HCN1: variants seen among roughly 807,000 people sequenced by gnomAD.
HCN1 encodes hyperpolarization activated cyclic nucleotide gated potassium channel 1.
HCN1 carries 13 observed loss-of-function variants against 78.9 expected under a neutral mutation model. The ratio of observed to expected loss-of-function variants is 0.16; its 90% confidence interval spans 0.11 to 0.26. The LOEUF (loss-of-function observed/expected upper bound fraction) is 0.26, where lower values mean the gene tolerates loss of function less well. Among genes scored for constraint, HCN1 ranks in the 10% least tolerant of loss-of-function variants. The pLI is 1.00. For synonymous variants in HCN1, 552 were observed against 455.5 expected, an observed-to-expected ratio of 1.21 and a Z score of -2.70; for missense variants, 810 against 1,154.3, an observed-to-expected ratio of 0.70 and a Z score of 4.32.
intron 5 of HCN1, among the ~76,000 whole-genome samples, chr5:45,317,954 T>G (rs1324901830): frequency 1.3e-5 from 2 of 152,174 alleles, no homozygotes; most frequent in Non-Finnish European, 2.9e-5. Flanking sequence ...GGAACACTTT[T>G]ACACTGTTGG....
intron 2 of HCN1, among the ~76,000 whole-genome samples, chr5:45,499,845 A>G (rs940323839): frequency 3.9e-4 from 59 of 152,240 alleles, no homozygotes; most frequent in African/African-American, 1.4e-3. Flanking sequence ...TTAATTCCAA[A>G]TTTTGTTTAC....
chr5:45,448,043 C>T (rs557694867), intron 3 of HCN1, among the ~76,000 whole-genome samples: 1 of 151,806 alleles, frequency 6.6e-6, no homozygotes, highest in East Asian at 1.9e-4. Flanking sequence ...AAATTCCAAA[C>T]TTTTCCTACA....
At chr5:45,664,680 CA>C (rs1745997629) in intron 1 of HCN1, among the ~76,000 whole-genome samples, 2 of 151,718 alleles carry the variant, frequency 1.3e-5, no homozygotes, top group African/African-American at 4.9e-5. Context: ...TTTATGCAGC[CA>C]AAAAACACAT....
intron 5 of HCN1, among the ~76,000 whole-genome samples, chr5:45,349,365 T>C (rs999966149): frequency 1.3e-5 from 2 of 152,050 alleles, no homozygotes. Context: ...CTGGGACACA[T>C]TCAAAGTAGT....
intron 6 of HCN1, among the ~76,000 whole-genome samples, chr5:45,279,831 A>T (rs1745125977): frequency 6.6e-6 from 1 of 152,098 alleles, no homozygotes; most frequent in South Asian, 2.1e-4. Flanking sequence ...AACACCCCCA[A>T]AATTAATAGT....
intron 5 of HCN1, among the ~76,000 whole-genome samples, chr5:45,335,725 A>C (rs1746439941): frequency 6.6e-6 from 1 of 152,112 alleles, no homozygotes; most frequent in Admixed American, 6.6e-5. Flanking sequence ...CTGTGTACTT[A>C]CTATGTGCCA....
chr5:45,415,498 G>A (rs898684237), intron 3 of HCN1, among the ~76,000 whole-genome samples: 2 of 152,000 alleles, frequency 1.3e-5, no homozygotes, highest in Non-Finnish European at 2.9e-5. Flanking sequence ...GCCACCCTGA[G>A]CTACTTGCAG....
intron 3 of HCN1, among the ~76,000 whole-genome samples, chr5:45,411,709 T>C (rs540229019): frequency 2.0e-5 from 3 of 152,170 alleles, no homozygotes; most frequent in South Asian, 2.1e-4. Context: ...GAGATTTCTG[T>C]TTTCAGGAAT....
chr5:45,337,284 T>C (rs1561112296), intron 5 of HCN1, among the ~76,000 whole-genome samples: 2 of 152,088 alleles, frequency 1.3e-5, no homozygotes, highest in African/African-American at 4.8e-5. Flanking sequence ...TAGGATGTTA[T>C]GTCATACAGT....
Position 45,361,907 on chromosome 5 carries a change from T to C in HCN1, c.1231-8661A>G, listed in dbSNP as rs1747118383. On this transcript the variant is annotated intron_variant, in intron 4 of 7. Transcript: ENST00000303230. The stretch of plus-strand genomic sequence containing the variant: ...AGTGATGATGAGACTTTAGTGTATT[T>C]AGCAATTAGAAGAAAATCCTTGATT... Among the ~76,000 whole-genome samples, 2 of 152,160 alleles carry C rather than the reference T, an allele frequency of 1.3e-5. 1 individual carries two copies. Among genetic ancestry groups the C allele is most frequent in the Non-Finnish European group, 2.9e-5 (2 of 68,022 alleles).
At position 45,460,930 on chromosome 5, in the gene HCN1, G is replaced by A. The variant is rs964992607; in HGVS notation, c.1011+916C>T. Among the ~76,000 whole-genome samples the A allele has an allele frequency of 8.6e-5, 13 of 151,526 alleles. No individual in the cohort carries two copies. The East Asian group carries it at 9.7e-4, about 11-fold the overall frequency. On this transcript the variant is annotated intron_variant, in intron 3 of 7. Transcript: ENST00000303230. ...AACAGTTTGAGAAAAGACAGTATTT[G>A]ATTTATACCTAAGGGAAAAATGTAA... is the stretch of plus-strand genomic sequence containing the variant.
At chr5:45,446,614 A>G (rs956545237) in intron 3 of HCN1, among the ~76,000 whole-genome samples, 2 of 152,210 alleles carry the variant, frequency 1.3e-5, no homozygotes, top group African/African-American at 4.8e-5. Flanking sequence ...AATGAAGGAA[A>G]AAATGTTAAG....
At chr5:45,479,937 T>C (rs1293827133) in intron 2 of HCN1, among the ~76,000 whole-genome samples, 1 of 152,162 alleles carries the variant, frequency 6.6e-6, no homozygotes, top group East Asian at 1.9e-4. Context: ...CAGATTAAGC[T>C]TTCCATAAAA....
intron 5 of HCN1, among the ~76,000 whole-genome samples, chr5:45,342,579 A>G (rs1486210072): frequency 6.6e-6 from 1 of 152,104 alleles, no homozygotes; most frequent in East Asian, 1.9e-4. Flanking sequence ...AAATTGAAGT[A>G]TATTTCCAAA....
chr5:45,321,417 A>G (rs1041298876), intron 5 of HCN1, among the ~76,000 whole-genome samples: 8 of 151,162 alleles, frequency 5.3e-5, no homozygotes, highest in Admixed American at 1.3e-4. Flanking sequence ...CAGAGCTAGA[A>G]TATGTGTAGA....
intron 6 of HCN1, among the ~76,000 whole-genome samples, chr5:45,276,629 C>T (rs2111861230): frequency 6.6e-6 from 1 of 152,114 alleles, no homozygotes; most frequent in South Asian, 2.1e-4. Flanking sequence ...GTGGAGAATA[C>T]AAAATAAGTA....
intron 4 of HCN1, among the ~76,000 whole-genome samples, chr5:45,382,037 G>A (rs1019903306): frequency 3.3e-5 from 5 of 152,148 alleles, no homozygotes; most frequent in African/African-American, 1.2e-4. Flanking sequence ...AATTGCTAGA[G>A]CAAGTTAGCC....
At chr5:45,488,289 A>T (rs1741810371) in intron 2 of HCN1, among the ~76,000 whole-genome samples, 1 of 152,132 alleles carries the variant, frequency 6.6e-6, no homozygotes, top group African/African-American at 2.4e-5. Context: ...GATTATGCTT[A>T]TTTCTGTGTG....
At chr5:45,413,310 T>A (rs1471048905) in intron 3 of HCN1, among the ~76,000 whole-genome samples, 1 of 152,092 alleles carries the variant, frequency 6.6e-6, no homozygotes, top group Non-Finnish European at 1.5e-5. Context: ...ATTTCAGATA[T>A]TTTTTATGAT....
Sources: allele counts gnomAD v4.1 joint callset (sites outside exome capture counted in the v4.1 genomes callset), GRCh38; gene constraint gnomAD v4.1.1; transcripts MANE v1.5; gene names NCBI Gene and HGNC (gene_info 2026-07-23, HGNC 2026-07-21).